PACRG: variants seen among roughly 807,000 people sequenced by gnomAD.
PACRG encodes parkin coregulated gene protein.
Under a neutral mutation model 29.7 loss-of-function variants are expected in PACRG, and 29 were observed. The ratio of observed to expected loss-of-function variants is 0.98; its 90% CI spans 0.73 to 1.33. The LOEUF (loss-of-function observed/expected upper bound fraction) is 1.33, where lower values mean the gene tolerates loss of function less well. Ranked by LOEUF, PACRG falls within the 40% of genes most tolerant of loss-of-function variation. The probability of loss-of-function intolerance (pLI) is 0.00; values close to 1 mark genes in which losing one functional copy is unlikely to be tolerated. For missense variants in PACRG, 279 were observed against 316.2 expected (o/e 0.88, Z 0.89); for synonymous variants, 116 against 118.7 (o/e 0.98, Z 0.15).
intron 2 of PACRG, among the ~76,000 whole-genome samples, chr6:162,950,996 A>G (rs1487318943): frequency 6.6e-6 from 1 of 152,204 alleles, no homozygotes; most frequent in East Asian, 1.9e-4. Flanking sequence ...GTCTCTGAAT[A>G]TGAGATGAAG....
chr6:162,852,954 G>T (rs116178493), intron 2 of PACRG, among the ~76,000 whole-genome samples: 1 of 152,172 alleles, frequency 6.6e-6, no homozygotes, highest in East Asian at 1.9e-4. Context: ...CTGCCCAGCC[G>T]TCAAAGCCAT....
intron 2 of PACRG, among the ~76,000 whole-genome samples, chr6:162,903,228 G>A (rs988830169): frequency 2.0e-5 from 3 of 152,150 alleles, no homozygotes; most frequent in Admixed American, 6.5e-5. Context: ...GACTGTGCAG[G>A]TGAGAACTGT....
chr6:163,139,794 C>T (rs1402187846), intron 4 of PACRG, among the ~76,000 whole-genome samples: 1 of 152,224 alleles, frequency 6.6e-6, no homozygotes, highest in Non-Finnish European at 1.5e-5. Context: ...TGTCCATCAT[C>T]TAGTTCCAAC....
intron 2 of PACRG, among the ~76,000 whole-genome samples, chr6:163,018,514 A>G (rs1002645437): frequency 6.6e-6 from 1 of 152,218 alleles, no homozygotes; most frequent in South Asian, 2.1e-4. Context: ...ATGGCTGAGT[A>G]TAAAATCTTT....
At chr6:163,052,976 A>G (rs937095081) in intron 2 of PACRG, among the ~76,000 whole-genome samples, 6 of 152,212 alleles carry the variant, frequency 3.9e-5, no homozygotes, top group African/African-American at 9.6e-5. Flanking sequence ...GCTAATATCA[A>G]TGTAATCCAG....
intron 2 of PACRG, among the ~76,000 whole-genome samples, chr6:162,848,005 C>G (rs1050879643): frequency 1.3e-5 from 2 of 152,058 alleles, no homozygotes; most frequent in South Asian, 4.2e-4. Context: ...CAAGAAGCCC[C>G]CAAGTTGCTC....
intron 2 of PACRG, among the ~76,000 whole-genome samples, chr6:163,001,084 G>A (rs1804548853): frequency 6.6e-6 from 1 of 152,240 alleles, no homozygotes; most frequent in Admixed American, 6.5e-5. Context: ...ATGGGTTACA[G>A]GTGTGCATGG....
intron 2 of PACRG, chr6:163,051,270 C>T (rs1809980071): frequency 6.6e-6 from 1 of 152,012 alleles, no homozygotes; most frequent in Non-Finnish European, 1.5e-5. Context: ...CTCCACAGCT[C>T]GTGTCTATGC....
chr6:162,899,336 A>G (rs1305348267), intron 2 of PACRG, among the ~76,000 whole-genome samples: 1 of 152,174 alleles, frequency 6.6e-6, no homozygotes, highest in Non-Finnish European at 1.5e-5. Flanking sequence ...GGTAACAACC[A>G]GAAACCACGG....
intron 4 of PACRG, among the ~76,000 whole-genome samples, chr6:163,092,148 A>G (rs1814166076): frequency 6.6e-6 from 1 of 152,232 alleles, no homozygotes; most frequent in Admixed American, 6.5e-5. Context: ...TTTCAAATAA[A>G]ATGACCTGTC....
At chr6:163,304,863 A>T (rs556540349) in intron 4 of PACRG, among the ~76,000 whole-genome samples, 1 of 152,316 alleles carries the variant, frequency 6.6e-6, no homozygotes, top group Non-Finnish European at 1.5e-5. Flanking sequence ...TTTGAATCGG[A>T]TCCATTATAG....
chr6:162,769,100 A>G (rs769851421), intron 1 of PACRG, among the ~76,000 whole-genome samples: 4 of 152,108 alleles, frequency 2.6e-5, no homozygotes, highest in Non-Finnish European at 5.9e-5. Context: ...AGAGGCCTTG[A>G]GGTCACATCA....
At chr6:162,755,854 T>G (rs1781876764) in intron 1 of PACRG, among the ~76,000 whole-genome samples, 1 of 152,238 alleles carries the variant, frequency 6.6e-6, no homozygotes, top group Non-Finnish European at 1.5e-5. Context: ...TCTCAAACAT[T>G]TGTCACAAAA....
At chr6:163,272,434 C>T (rs895012141) in intron 4 of PACRG, among the ~76,000 whole-genome samples, 2 of 152,126 alleles carry the variant, frequency 1.3e-5, no homozygotes, top group African/African-American at 4.8e-5. Flanking sequence ...AATTTACAAT[C>T]CTCCTAAATG....
intron 3 of PACRG, among the ~76,000 whole-genome samples, chr6:163,078,013 C>T (rs193216915): frequency 6.6e-6 from 1 of 152,284 alleles, no homozygotes; most frequent in Non-Finnish European, 1.5e-5. Context: ...GCCGAATCCG[C>T]CGTGCATTAA....
At chr6:162,743,832 G>GA (rs1236517525) in intron 1 of PACRG, among the ~76,000 whole-genome samples, 1 of 151,454 alleles carries the variant, frequency 6.6e-6, no homozygotes, top group Non-Finnish European at 1.5e-5. Context: ...TCATGCTAAG[G>GA]AAAAAAAACC....
intron 4 of PACRG, among the ~76,000 whole-genome samples, chr6:163,169,620 T>C (rs1360000523): frequency 3.9e-5 from 6 of 152,200 alleles, no homozygotes; most frequent in African/African-American, 1.4e-4. Context: ...GGAATTCTCA[T>C]GTGACCACTG....
At chr6:163,126,894 A>C (rs1816538325) in intron 4 of PACRG, among the ~76,000 whole-genome samples, 1 of 152,332 alleles carries the variant, frequency 6.6e-6, no homozygotes, top group South Asian at 2.1e-4. Flanking sequence ...CCAGGCACCC[A>C]GGTAGCACTG....
At chr6:163,286,633 G>T (rs1455088958) in intron 4 of PACRG, among the ~76,000 whole-genome samples, 1 of 152,144 alleles carries the variant, frequency 6.6e-6, no homozygotes, top group Non-Finnish European at 1.5e-5. Flanking sequence ...GTATATCCAT[G>T]CTGAATTCAA....
Sources: allele counts gnomAD v4.1 joint callset (sites outside exome capture counted in the v4.1 genomes callset), GRCh38; gene constraint gnomAD v4.1.1; transcripts MANE v1.5; gene names NCBI Gene and HGNC (gene_info 2026-07-23, HGNC 2026-07-21).